VAT1: variants seen among roughly 807,000 people sequenced by gnomAD.
VAT1 encodes NADPH-dependent quinone oxidoreductase VAT1.
Under a neutral mutation model 33.3 loss-of-function variants are expected in VAT1, and 24 were observed. The observed-to-expected ratio is 0.72, with a 90% CI of 0.52 to 1.01. The LOEUF (loss-of-function observed/expected upper bound fraction) is 1.01. Ranked by LOEUF, VAT1 falls within the 50% of genes least tolerant of loss-of-function variation. VAT1 has a pLI of 0.00. For synonymous variants in VAT1, 212 were observed against 225.0 expected (o/e 0.94, Z 0.52); for missense variants, 436 against 533.7 (o/e 0.82, Z 1.80).
At position 43,016,051 on chromosome 17, in the gene VAT1, G is replaced by A. The variant is rs751023318; in HGVS notation, c.*10C>T. 16 of 1,614,024 alleles carry A rather than the reference G, an allele frequency of 9.9e-6. No homozygotes were observed. Among genetic ancestry groups the A allele is most frequent in the Non-Finnish European group, 1.3e-5 (15 of 1,179,916 alleles). Reference sequence around the variant, plus strand: ...CTTCGCTGGTCTCTAGGGTCTCACAGCCACTTGCCCTAGTTCTCCTTCTCT... The same window carrying A: ...CTTCGCTGGTCTCTAGGGTCTCACAACCACTTGCCCTAGTTCTCCTTCTCT... On this transcript the variant is annotated 3_prime_UTR_variant, in exon 6 of 6. Coordinates refer to ENST00000355653, the MANE Select transcript of VAT1 (RefSeq NM_006373.4).
Position 43,022,057 on chromosome 17 carries a change from T to C in VAT1, c.266A>G (p.Asn89Ser). Residue 89 changes from asparagine to serine, a missense_variant, in exon 1 of 6, where the codon AAC (asparagine) becomes AGC (serine). Physicochemically the swap from Asn to Ser is conservative, Grantham distance 46. Around this residue, in one of 2 missense-constraint regions of VAT1, gnomAD observed 154 missense variants for 128.3 expected, o/e 1.20. Coordinates refer to ENST00000355653, the MANE Select transcript of VAT1 (RefSeq NM_006373.4). The stretch of plus-strand genomic sequence containing the variant: ...CTGCCTAGCCATGAGGTCTGCGAAG[T>C]TGAGCCCGCAGGCCCGCAGACGCAG... ...LTLRLRACGLNFADLMARQGL... is the reference protein window; with the variant it reads ...LTLRLRACGLSFADLMARQGL... 1 of 1,605,092 alleles carries C rather than the reference T, an allele frequency of 6.2e-7. No homozygotes were observed. Among genetic ancestry groups the C allele is most frequent in the Non-Finnish European group, 8.5e-7 (1 of 1,177,194 alleles).
At position 43,022,073 on chromosome 17, in the gene VAT1, G is replaced by A. The variant is rs1253191987; in HGVS notation, c.250C>T (p.Arg84Trp). Residue 84 changes from arginine to tryptophan, a missense_variant, in exon 1 of 6, where the codon CGG (arginine) becomes TGG (tryptophan). By Grantham distance (101) the Arg-to-Trp change is moderately radical. Transcript: ENST00000355653. ...PGPGQLTLRL[R>W]ACGLNFADLM... ...TCTGCGAAGTTGAGCCCGCAGGCCC[G>A]CAGACGCAGCGTCAGCTGGCCGGGC... The A allele has an allele frequency of 1.3e-6, 2 of 1,598,470 alleles. No individual in the cohort carries two copies. Among genetic ancestry groups the A allele is most frequent in the Non-Finnish European group, 1.7e-6 (2 of 1,173,994 alleles).
chr17:43,018,435 G>A (rs1470481033), intron 2 of VAT1, among the ~76,000 whole-genome samples, 157 bp downstream of exon 2: 1 of 152,184 alleles, frequency 6.6e-6, no homozygotes, highest in Non-Finnish European at 1.5e-5. Flanking sequence ...CCTGGTGCCT[G>A]AATGTTACCA....
chr17:43,018,715 G>C lies in VAT1; in HGVS notation c.472C>G (p.Pro158Ala), dbSNP rs962430050. Reference protein sequence around the residue: ...TVPSVQTFLIPEAMTFEEAAA... With the variant: ...TVPSVQTFLIAEAMTFEEAAA... ...GCTTCCTCAAAGGTCATGGCCTCAG[G>C]AATCAGGAAGGTCTGGACCGAGGGC... Residue 158 changes from proline to alanine, a missense_variant, in exon 2 of 6, where the codon CCT (proline) becomes GCT (alanine). Around this residue, in one of 2 missense-constraint regions of VAT1, gnomAD observed 282 missense variants for 405.4 expected, o/e 0.70. Transcript: ENST00000355653. 4 of 1,613,970 alleles carry C rather than the reference G, an allele frequency of 2.5e-6. No homozygotes were observed. The African/African-American group carries it at 5.3e-5, about 22-fold the overall frequency.
rs765875736 is a variant in VAT1, at chr17:43,021,935, C to A, written c.387+1G>T. 1 of 1,610,490 alleles carries A rather than the reference C, an allele frequency of 6.2e-7. No homozygotes were observed. Among genetic ancestry groups the A allele is most frequent in the South Asian group, 1.1e-5 (1 of 90,932 alleles). On this transcript the variant is annotated splice_donor_variant, in intron 1 of 5. Transcript: ENST00000355653. LOFTEE classifies it high-confidence loss of function. ...TGCCCTGCCCTACGCAACCCGCTCA[C>A]CTTGCGGTCGCTGACTCCCTCGCCC...
chr17:43,016,088 C>T lies in VAT1; in HGVS notation c.1155G>A (p.Leu385=), dbSNP rs1396059402. Residue 385 remains leucine, a synonymous_variant, in exon 6 of 6, where the codon CTG becomes CTA. Transcript: ENST00000355653. ...QEKKNVGKVL[L]VPGPEKEN The stretch of plus-strand genomic sequence containing the variant: ...AGTTCTCCTTCTCTGGCCCTGGAAC[C>T]AGGAGGACCTTGCCCACATTCTTCT... The T allele has an allele frequency of 8.7e-6, 14 of 1,614,076 alleles. No homozygotes were observed. The highest frequency in any genetic ancestry group is 1.2e-5 in the Non-Finnish European group (14 of 1,180,034).
chr17:43,022,329 G>A lies in VAT1; in HGVS notation c.-7C>T. The A allele has an allele frequency of 6.4e-7, 1 of 1,552,096 alleles. No individual in the cohort carries two copies. The highest frequency in any genetic ancestry group is 8.7e-7 in the Non-Finnish European group (1 of 1,152,620). ...CCTCTCTCTCGTCGGACATGGCTGG[G>A]ACTCCCGACGAGAGCGCACAGCTGG... On this transcript the variant is annotated 5_prime_UTR_variant, in exon 1 of 6. Coordinates refer to ENST00000355653, the MANE Select transcript of VAT1 (RefSeq NM_006373.4).
At chr17:43,020,248 G>A (rs925629193) in intron 1 of VAT1, 4 of 985,430 alleles carry the variant, frequency 4.1e-6, no homozygotes, top group Non-Finnish European at 4.8e-6. Flanking sequence ...GGCCCTCCCC[G>A]CAGAATCCAG....
rs2050574388 is a variant in VAT1 at position 43,022,055 on chromosome 17, A to C, written c.268T>G (p.Phe90Val). ...TLRLRACGLN[F>V]ADLMARQGLY... ...CCCTGCCTAGCCATGAGGTCTGCGA[A>C]GTTGAGCCCGCAGGCCCGCAGACGC... Residue 90 changes from phenylalanine (F) to valine (V), a missense_variant, in exon 1 of 6, where the codon TTC (phenylalanine) becomes GTC (valine). By Grantham distance (50) the Phe-to-Val change is conservative (BLOSUM62 -1). Transcript: ENST00000355653. 1 of 1,605,532 alleles carries C rather than the reference A, an allele frequency of 6.2e-7. No homozygotes were observed. Among genetic ancestry groups the C allele is most frequent in the Non-Finnish European group, 8.5e-7 (1 of 1,177,424 alleles).
At chr17:43,021,410 G>A (rs933170887) in intron 1 of VAT1, among the ~76,000 whole-genome samples, 1 of 152,102 alleles carries the variant, frequency 6.6e-6, no homozygotes, top group African/African-American at 2.4e-5. Context: ...CTTTGGGAGG[G>A]GCCGCCTCAC....
intron 1 of VAT1, chr17:43,020,332 G>T: frequency 1.0e-6 from 1 of 983,506 alleles, no homozygotes; most frequent in Non-Finnish European, 1.2e-6. Context: ...GAGGGGAGGT[G>T]AGGTGGGTGG....
At chr17:43,019,918 T>C (rs994447453) in intron 1 of VAT1, among the ~76,000 whole-genome samples, 3 of 152,012 alleles carry the variant, frequency 2.0e-5, no homozygotes, top group African/African-American at 7.3e-5. Flanking sequence ...CTTTTTCATG[T>C]CCTCAAGCCC....
chr17:43,020,841 C>G (rs1182333335), intron 1 of VAT1, among the ~76,000 whole-genome samples: 2 of 146,838 alleles, frequency 1.4e-5, no homozygotes, highest in Middle Eastern at 3.2e-3. Flanking sequence ...CGCCATTGCA[C>G]TCCAGCCTGG....
chr17:43,021,089 A>G (rs2050563044), intron 1 of VAT1, among the ~76,000 whole-genome samples: 2 of 152,028 alleles, frequency 1.3e-5, no homozygotes, highest in Admixed American at 1.3e-4. Flanking sequence ...GTTCCAGTCC[A>G]AACCCCTGGC....
At position 43,018,815 on chromosome 17, in the gene VAT1, A is replaced by G. The variant is rs2050542639; in HGVS notation, c.388-16T>C. On this transcript the variant is annotated splice_polypyrimidine_tract_variant and intron_variant, in intron 1 of 5. Coordinates refer to ENST00000355653, the MANE Select transcript of VAT1 (RefSeq NM_006373.4). ...GGTCTCCTGCCTTGAAGAACAGAAG[A>G]GTATCATTCAGTCACTCATTCATTC... is the stretch of plus-strand genomic sequence containing the variant. 1 of 1,613,572 alleles carries G rather than the reference A, an allele frequency of 6.2e-7. No homozygotes were observed. Among genetic ancestry groups the G allele is most frequent in the African/African-American group, 1.3e-5 (1 of 74,886 alleles).
At chr17:43,020,946 A>T (rs1412053429) in intron 1 of VAT1, among the ~76,000 whole-genome samples, 1 of 151,908 alleles carries the variant, frequency 6.6e-6, no homozygotes, top group East Asian at 1.9e-4. Context: ...CTGAGGCCTC[A>T]TCCCAGGTCT....
intron 2 of VAT1, 38 bp from the exon 3 acceptor site, chr17:43,018,244 G>C: frequency 6.3e-7 from 1 of 1,582,970 alleles, no homozygotes; most frequent in Non-Finnish European, 8.6e-7. Context: ...ATATGGAGTT[G>C]CCCTGGCCAC....
Position 43,018,074 on chromosome 17 carries a change from G to C in VAT1, c.728C>G (p.Thr243Ser). The C allele has an allele frequency of 1.2e-6, 2 of 1,613,968 alleles. No individual in the cohort carries two copies. The highest frequency in any genetic ancestry group is 8.5e-7 in the Non-Finnish European group (1 of 1,180,032). The change falls in exon 3 of 6, where the codon ACT becomes AGT. Residue 243 changes from threonine (T) to serine (S), a missense_variant. By Grantham distance (58) the Thr-to-Ser change is moderately conservative. Transcript: ENST00000355653. The stretch of plus-strand genomic sequence containing the variant: ...CTTCTTGATCTCATCCACGTAGTCA[G>C]TCGTGTGATAGTCGATGGGATGTGT... ...GVTHPIDYHT[T>S]DYVDEIKKIS...
Position 43,018,144 on chromosome 17 carries a change from T to A in VAT1, c.658A>T (p.Thr220Ser), listed in dbSNP as rs1567746538. ...RTVENVTVFG[T>S]ASASKHEALK... ...GCCTCGTGCTTGCTGGCCGAGGCCG[T>A]TCCGAACACTGTCACATTCTCCACT... The change falls in exon 3 of 6, where the codon ACG becomes TCG. Residue 220 changes from threonine to serine, a missense_variant. By Grantham distance (58) the Thr-to-Ser change is moderately conservative. Around this residue, in one of 2 missense-constraint regions of VAT1, gnomAD observed 282 missense variants for 405.4 expected, o/e 0.70. Transcript: ENST00000355653. 1 of 1,614,128 alleles carries A rather than the reference T, an allele frequency of 6.2e-7. No individual in the cohort carries two copies. Among genetic ancestry groups the A allele is most frequent in the Middle Eastern group, 1.7e-4 (1 of 6,008 alleles).
Sources: gnomAD v4.1 joint callset for allele counts (sites outside exome capture counted in the v4.1 genomes callset) on GRCh38, gnomAD v4.1.1 for gene constraint, gnomAD v4.1.1 regional missense constraint, MANE v1.5 for transcripts, NCBI Gene and HGNC (gene_info 2026-07-23, HGNC 2026-07-21) for gene names.